Variants in MORC2 observed in about 807,000 individuals in gnomAD.
MORC2 encodes the protein ATPase MORC2.
Under a neutral mutation model 136.0 loss-of-function variants are expected in MORC2, and 30 were observed. The observed-to-expected ratio is 0.22, with a 90% CI of 0.17 to 0.30. The LOEUF is 0.30. Ranked by LOEUF, MORC2 falls within the 10% of genes least tolerant of loss-of-function variation. MORC2 has a pLI of 1.00. For synonymous variants in MORC2, 439 were observed against 487.0 expected (o/e 0.90, Z 1.30); for missense variants, 922 against 1,333.1 (o/e 0.69, Z 4.80).
intron 4 of MORC2, 38 bp downstream of exon 4, chr22:30,950,339 A>AAACACCCCCCCCCC: frequency 1.9e-6 from 1 of 539,984 alleles, no homozygotes; most frequent in Non-Finnish European, 3.5e-6. Flanking sequence ...GTTACATCGC[A>AAACACCCCCCCCCC]CCCCCCCACC....
chr22:30,942,394 TC>T, intron 6 of MORC2, 123 bp from the exon 7 acceptor site: 1 of 1,112,322 alleles, frequency 9.0e-7, no homozygotes, highest in Non-Finnish European at 1.3e-6. Flanking sequence ...AGGCCCAAGC[TC>T]CACAGCCTGG....
chr22:30,927,053 C>T lies in MORC2; in HGVS notation c.3031-182G>A, dbSNP rs1398159981. Reference sequence around the variant, plus strand: ...TCTCCCCTCCCTCATCTATTGTGCACAGATGATGCCCAGATTTCCTACGCC... The same window carrying T: ...TCTCCCCTCCCTCATCTATTGTGCATAGATGATGCCCAGATTTCCTACGCC... On this transcript the variant is annotated intron_variant, in intron 25 of 25. Coordinates refer to ENST00000397641, the MANE Select transcript of MORC2 (RefSeq NM_001303256.3). Among the ~76,000 whole-genome samples, 4 of 152,114 alleles carry T rather than the reference C, an allele frequency of 2.6e-5. No homozygotes were observed. The East Asian group carries it at 5.8e-4, about 22-fold the overall frequency.
chr22:30,936,903 A>G, intron 16 of MORC2, 29 bp downstream of exon 16: 1 of 1,589,624 alleles, frequency 6.3e-7, no homozygotes. Flanking sequence ...AAAAGTACCC[A>G]CAATCCCCTT....
intron 25 of MORC2, among the ~76,000 whole-genome samples, chr22:30,927,159 C>T (rs1165581377): frequency 6.6e-6 from 1 of 152,114 alleles, no homozygotes; most frequent in Non-Finnish European, 1.5e-5. Flanking sequence ...ACTTCTCTCC[C>T]TTCTCTGTCA....
At position 30,946,283 on chromosome 22, in the gene MORC2, G is replaced by A. The variant is rs780525591; in HGVS notation, c.426+58C>T. On this transcript the variant is annotated intron_variant, in intron 6 of 25. Coordinates refer to ENST00000397641, the MANE Select transcript of MORC2 (RefSeq NM_001303256.3). The stretch of plus-strand genomic sequence containing the variant: ...GCATTGCAAATAACCTACGAAAACC[G>A]CCTGGGCAGACTCAGGAAATGAGGA... The A allele has an allele frequency of 2.2e-5, 31 of 1,414,124 alleles. No homozygotes were observed. The highest frequency in any genetic ancestry group is 4.8e-5 in the East Asian group (2 of 42,102). The allele number at this position is 1,414,124 out of a possible 1,614,324, so 87.6% of individuals were successfully genotyped here.
Position 30,946,565 on chromosome 22 carries a change from C to T in MORC2, c.318-116G>A, listed in dbSNP as rs181684992. Reference sequence around the variant, plus strand: ...TGCCACTGGAGGGCTCTCCTAAAGGCCCCCCCAGGTCCCAGGACTGTGTGC... The same window carrying T: ...TGCCACTGGAGGGCTCTCCTAAAGGTCCCCCCAGGTCCCAGGACTGTGTGC... On this transcript the variant is annotated intron_variant, in intron 5 of 25. Transcript: ENST00000397641. 1.3e-4 allele frequency: 103 copies of T among 800,222 alleles called. No individual in the cohort carries two copies. In the Middle Eastern group the frequency reaches 1.7e-3, roughly 14 times the overall value. The allele number at this position is 800,222 out of a possible 1,614,324, so 49.6% of individuals were successfully genotyped here.
rs141834564 is a variant in MORC2 at position 30,953,671 on chromosome 22, C to G, written c.157+3092G>C. On this transcript the variant is annotated intron_variant, in intron 3 of 25. Coordinates refer to ENST00000397641, the MANE Select transcript of MORC2 (RefSeq NM_001303256.3). The stretch of plus-strand genomic sequence containing the variant: ...TGTGTTAATCATTGCCCTGGCATCA[C>G]GAAAAGGATCTTTCTTCCAAGGAGG... Among the ~76,000 whole-genome samples, 731 of 152,204 alleles carry G rather than the reference C, an allele frequency of 4.8e-3. 1 individual carries two copies. The highest frequency in any genetic ancestry group is 0.017 in the Middle Eastern group (5 of 294).
At position 30,934,009 on chromosome 22, in the gene MORC2, G is replaced by A. The variant is rs763258386; in HGVS notation, c.2325+51C>T. 6.2e-7 allele frequency: 1 copy of A among 1,608,422 alleles called. No individual in the cohort carries two copies. The highest frequency in any genetic ancestry group is 1.1e-5 in the South Asian group (1 of 90,100). On this transcript the variant is annotated intron_variant, in intron 20 of 25. Coordinates refer to ENST00000397641, the MANE Select transcript of MORC2 (RefSeq NM_001303256.3). The surrounding 1 kb of genome is among the most constrained non-coding windows in gnomAD (Gnocchi z 4.4). ...TGGGGGGTGCAGACTGCTGGTGGGG[G>A]CTGCAGGCCCTAGAGAGAGAGGCTT...
chr22:30,954,367 G>A (rs1260556842), intron 3 of MORC2, among the ~76,000 whole-genome samples: 1 of 152,170 alleles, frequency 6.6e-6, no homozygotes, highest in Non-Finnish European at 1.5e-5. Flanking sequence ...CCTTAGCCAA[G>A]AATCCCAATC....
chr22:30,965,969 G>A (rs967110798), intron 1 of MORC2, among the ~76,000 whole-genome samples: 3 of 152,208 alleles, frequency 2.0e-5, no homozygotes, highest in South Asian at 2.1e-4. Flanking sequence ...TCTTGGCACC[G>A]TTTAAGTCTG....
chr22:30,940,643 G>C, intron 10 of MORC2, 115 bp downstream of exon 10: 2 of 873,256 alleles, frequency 2.3e-6, no homozygotes, highest in Non-Finnish European at 1.9e-6. Context: ...TGCTTCAGGA[G>C]ACCAGCCTTG....
chr22:30,933,114 C>T (rs1240267599), intron 21 of MORC2, 84 bp from the exon 22 acceptor site: 59 of 1,572,300 alleles, frequency 3.8e-5, no homozygotes, highest in Non-Finnish European at 4.7e-5. Flanking sequence ...AAGGCAGTCC[C>T]CAGGGTTTGG....
intron 1 of MORC2, among the ~76,000 whole-genome samples, chr22:30,961,292 CTAAA>C (rs971379393): frequency 2.0e-5 from 3 of 152,076 alleles, no homozygotes; most frequent in Non-Finnish European, 2.9e-5. Flanking sequence ...AAATTACCAA[CTAAA>C]TAAACAAAAA....
intron 3 of MORC2, among the ~76,000 whole-genome samples, chr22:30,955,072 C>A (rs536154472): frequency 2.7e-5 from 4 of 150,504 alleles, no homozygotes; most frequent in South Asian, 4.2e-4. Flanking sequence ...GATTCTCCTG[C>A]TTCAGCCTCC....
intron 20 of MORC2, 78 bp downstream of exon 20, chr22:30,933,982 G>A: frequency 3.3e-6 from 5 of 1,508,694 alleles, no homozygotes; most frequent in Non-Finnish European, 4.6e-6. Context: ...ATAGACTGCT[G>A]ATGGGGGGTG....
At position 30,934,010 on chromosome 22, in the gene MORC2, C is replaced by G; in HGVS notation, c.2325+50G>C. On this transcript the variant is annotated intron_variant, in intron 20 of 25. Transcript: ENST00000397641. The surrounding 1 kb of genome is among the most constrained non-coding windows in gnomAD (Gnocchi z 4.4). ...GGGGGGTGCAGACTGCTGGTGGGGGCTGCAGGCCCTAGAGAGAGAGGCTTT... is the reference window on the plus strand; with the variant it reads ...GGGGGGTGCAGACTGCTGGTGGGGGGTGCAGGCCCTAGAGAGAGAGGCTTT... 2 of 1,608,448 alleles carry G rather than the reference C, an allele frequency of 1.2e-6. No individual in the cohort carries two copies. The highest frequency in any genetic ancestry group is 2.7e-5 in the African/African-American group (2 of 74,888).
chr22:30,935,063 T>C lies in MORC2; in HGVS notation c.1911A>G (p.Pro637=). The C allele has an allele frequency of 6.2e-7, 1 of 1,613,870 alleles. No individual in the cohort carries two copies. Among genetic ancestry groups the C allele is most frequent in the Non-Finnish European group, 8.5e-7 (1 of 1,179,976 alleles). Residue 637 remains proline (P), a synonymous_variant, in exon 19 of 26, where the codon CCA becomes CCG. Coordinates refer to ENST00000397641, the MANE Select transcript of MORC2 (RefSeq NM_001303256.3). Reference sequence around the variant, plus strand: ...CAGGAGCCTTTCGGGGCTGGCTGGCTGGTCTAGGAGTTGGCAAAGAAGGGG... The same window carrying C: ...CAGGAGCCTTTCGGGGCTGGCTGGCCGGTCTAGGAGTTGGCAAAGAAGGGG... ...SRPPSLPTPR[P]ASQPRKAPVI...
rs2040736171 is a variant in MORC2 at position 30,941,113 on chromosome 22, C to T, written c.825-276G>A. Among the ~76,000 whole-genome samples the T allele has an allele frequency of 6.6e-6, 1 of 152,176 alleles. No homozygotes were observed. Among genetic ancestry groups the T allele is most frequent in the South Asian group, 2.1e-4 (1 of 4,832 alleles). ...AAACCTCAGGAGTAAGCCAAGCCCA[C>T]TGCTTTCCTATATAGTGTCTAAAGG... On this transcript the variant is annotated intron_variant, in intron 9 of 25. Transcript: ENST00000397641. This position sits in a 1 kb window ranked among gnomAD's most constrained non-coding sequence, Gnocchi z 4.6.
chr22:30,958,694 T>G lies in MORC2; in HGVS notation c.69A>C (p.Ser23=). Residue 23 remains serine, a splice_region_variant and synonymous_variant, in exon 2 of 26, where the codon TCA becomes TCC. Transcript: ENST00000397641. ...QLTFEYLHTN[S]TTHEFLFGAL... The stretch of plus-strand genomic sequence containing the variant: ...CACCAAACAAGAATTCGTGAGTGGT[T>G]CTGAAATGATAAATACTAAAAGTCA... The G allele has an allele frequency of 1.3e-6, 2 of 1,545,012 alleles. No individual in the cohort carries two copies. Among genetic ancestry groups the G allele is most frequent in the Non-Finnish European group, 1.8e-6 (2 of 1,142,154 alleles).
Sources: gnomAD v4.1 joint callset for allele counts (sites outside exome capture counted in the v4.1 genomes callset) on GRCh38, gnomAD v4.1.1 for gene constraint, Gnocchi (gnomAD v3.1) non-coding constraint, MANE v1.5 for transcripts, NCBI Gene and HGNC (gene_info 2026-07-23, HGNC 2026-07-21) for gene names.